Variants in NT5DC4 observed in about 807,000 individuals in gnomAD.
NT5DC4 encodes the protein 5'-nucleotidase domain-containing protein 4.
In NT5DC4, 44 loss-of-function variants were observed where a neutral mutation model predicts 26.6. That is an observed-to-expected ratio of 1.65 (90% CI 1.30 to 2.13). NT5DC4 has a LOEUF of 2.13. Among genes scored for constraint, NT5DC4 ranks in the 30% most tolerant of loss-of-function variants. The pLI, the probability that NT5DC4 is intolerant of heterozygous loss-of-function variation, is 0.00. For synonymous variants in NT5DC4, 157 were observed against 86.7 expected (o/e 1.81, Z -4.51); for missense variants, 399 against 228.1 (o/e 1.75, Z -4.83).
In NT5DC4 at chr2:112,723,266, C is replaced by T. The variant is rs1006939018; in HGVS notation, c.621+92C>T. On this transcript the variant is annotated intron_variant, in intron 7 of 16. Transcript: ENST00000688554. The stretch of plus-strand genomic sequence containing the variant: ...AGGCCTCCAGTCCCCATAGCGTTTC[C>T]ATCCTCTTCCTACTGAGGACTGAGG... The T allele has an allele frequency of 8.8e-5, 63 of 712,782 alleles. No individual in the cohort carries two copies. The Admixed American group carries it at 1.2e-3, about 14-fold the overall frequency. The allele number at this position is 712,782 out of a possible 1,614,324, so 44.2% of individuals were successfully genotyped here.
intron 16 of NT5DC4, chr2:112,737,947 G>C (rs1404625388): frequency 6.6e-6 from 1 of 151,500 alleles, no homozygotes; most frequent in African/African-American, 2.5e-5. Flanking sequence ...GTGTTGACTA[G>C]GTTTTTCTAC....
At chr2:112,725,007 G>A (rs1432285034) in intron 11 of NT5DC4, 101 bp downstream of exon 11, 2 of 665,606 alleles carry the variant, frequency 3.0e-6, no homozygotes, top group South Asian at 1.6e-5. Flanking sequence ...TGGCCTGTCT[G>A]TCCCTGGAGG....
rs1309521554 is a variant in NT5DC4 at position 112,722,204 on chromosome 2, C to G, written c.288C>G (p.Leu96=). 1 of 716,994 alleles carries G rather than the reference C, an allele frequency of 1.4e-6. No homozygotes were observed. The highest frequency in any genetic ancestry group is 2.3e-4 in the Middle Eastern group (1 of 4,370). 44.4% of individuals were successfully genotyped at this position (716,994 alleles called of 1,614,324 possible). ...GCAGGCGGCTGGTGTTCGATGAACT[C>G]TATGGGAACCTGCTGAAGGTGGACG... is the stretch of plus-strand genomic sequence containing the variant. ...FPTRRLVFDE[L]YGNLLKVDAH... The change falls in exon 4 of 17, where the codon CTC becomes CTG. Residue 96 remains leucine (L), a synonymous_variant. Coordinates refer to ENST00000688554, the MANE Select transcript of NT5DC4 (RefSeq NM_001393655.1).
intron 16 of NT5DC4, chr2:112,737,244 T>C (rs957614046): frequency 6.6e-6 from 1 of 152,136 alleles, no homozygotes; most frequent in Non-Finnish European, 1.5e-5. Flanking sequence ...TTTGGGTACA[T>C]ACTTACTCAG....
At chr2:112,732,457 T>C (rs1330385222) in intron 16 of NT5DC4, among the ~76,000 whole-genome samples, 1 of 151,598 alleles carries the variant, frequency 6.6e-6, no homozygotes, top group Non-Finnish European at 1.5e-5. Context: ...CTCACTGGCC[T>C]GTGTCTTTAC....
At chr2:112,740,009 C>T (rs1679784934), downstream of NT5DC4, among the ~76,000 whole-genome samples, 1 of 152,018 alleles carries the variant, frequency 6.6e-6, no homozygotes, top group Admixed American at 6.6e-5. Flanking sequence ...GGCTGGAGTG[C>T]AATGGTGCAA....
chr2:112,726,724 AAG>A lies in NT5DC4; in HGVS notation c.1260_1261del (p.Glu420AspfsTer6), dbSNP rs1171276965. 1 of 717,510 alleles carries A rather than the reference AAG, an allele frequency of 1.4e-6. No homozygotes were observed. The highest frequency in any genetic ancestry group is 2.6e-6 in the Non-Finnish European group (1 of 385,098). 44.4% of individuals were successfully genotyped at this position (717,510 alleles called of 1,614,324 possible). ...SCELQVINFT[K>X]REIQMPHESV... ...TGAGCTGCAAGTCATCAACTTCACC[AAG>A]AGAGAGATCCAGGTGGGAGCTGGGT... On this transcript the variant is annotated frameshift_variant, in exon 15 of 17. Coordinates refer to ENST00000688554, the MANE Select transcript of NT5DC4 (RefSeq NM_001393655.1). LOFTEE classifies it high-confidence loss of function.
chr2:112,733,076 AG>A (rs1357996530), intron 16 of NT5DC4, among the ~76,000 whole-genome samples: 1 of 152,122 alleles, frequency 6.6e-6, no homozygotes, highest in Non-Finnish European at 1.5e-5. Context: ...GGGAAAGGGC[AG>A]GACAAAGAAT....
intron 10 of NT5DC4, 188 bp from the exon 11 acceptor site, chr2:112,724,593 C>T: frequency 1.7e-6 from 1 of 601,796 alleles, no homozygotes. Context: ...CCACAAGGTC[C>T]TTTTGAGCAC....
intron 15 of NT5DC4, among the ~76,000 whole-genome samples, chr2:112,729,407 C>A (rs1678190616): frequency 6.6e-6 from 1 of 152,264 alleles, no homozygotes; most frequent in Middle Eastern, 3.2e-3. Flanking sequence ...CAGGCGTGAG[C>A]CACCGCGCCT....
In NT5DC4 at chr2:112,723,188, C is replaced by G. The variant is rs1374515427; in HGVS notation, c.621+14C>G. The G allele has an allele frequency of 2.8e-6, 2 of 717,170 alleles. No individual in the cohort carries two copies. The highest frequency in any genetic ancestry group is 2.7e-5 in the East Asian group (1 of 37,290). The allele number at this position is 717,170 out of a possible 1,614,324, so 44.4% of individuals were successfully genotyped here. ...ATCCACCAGTCGGTGAGTGAGTGGT[C>G]CAGAACCCCCGGACCCCTGACCTGT... On this transcript the variant is annotated intron_variant, in intron 7 of 16. Transcript: ENST00000688554.
rs1051794891 is a variant in NT5DC4 at position 112,723,501 on chromosome 2, C to A, written c.672+33C>A. On this transcript the variant is annotated intron_variant, in intron 8 of 16. Coordinates refer to ENST00000688554, the MANE Select transcript of NT5DC4 (RefSeq NM_001393655.1). ...GCCACAGACCCAGGGCCATGGCCAT[C>A]ACCCCCAAAGCAGCAGGGCTGCCCC... The A allele has an allele frequency of 9.8e-6, 7 of 716,202 alleles. No individual in the cohort carries two copies. The Admixed American group carries it at 1.0e-4, about 10-fold the overall frequency. The allele number at this position is 716,202 out of a possible 1,614,324, so 44.4% of individuals were successfully genotyped here. A position where few individuals can be genotyped will look rare whatever the true frequency, so the allele number is the denominator to read the frequency against.
At chr2:112,720,921 C>G (rs1558717470), upstream of NT5DC4, among the ~76,000 whole-genome samples, 1 of 152,236 alleles carries the variant, frequency 6.6e-6, no homozygotes, top group Non-Finnish European at 1.5e-5. Context: ...TGGCTGACTC[C>G]TCCCTCAAAG....
At chr2:112,733,454 G>C (rs1678715739) in intron 16 of NT5DC4, among the ~76,000 whole-genome samples, 1 of 152,150 alleles carries the variant, frequency 6.6e-6, no homozygotes, top group Non-Finnish European at 1.5e-5. Flanking sequence ...GGGGGACATG[G>C]GACCAAGTTC....
At chr2:112,741,604 G>A (rs189424238), downstream of NT5DC4, among the ~76,000 whole-genome samples, 200 of 152,304 alleles carry the variant, frequency 1.3e-3, no homozygotes, top group African/African-American at 4.5e-3. Context: ...ATGGATTCCT[G>A]TCTTCTCTTT....
At chr2:112,724,576 C>T in intron 10 of NT5DC4, 1 of 595,534 alleles carries the variant, frequency 1.7e-6, no homozygotes, top group South Asian at 2.0e-5. Flanking sequence ...ATGTTCAACA[C>T]CCACCTCCAC....
intron 16 of NT5DC4, chr2:112,737,847 TAATA>T (rs1186903274): frequency 6.6e-6 from 1 of 152,214 alleles, no homozygotes; most frequent in Non-Finnish European, 1.5e-5. Context: ...TGGTTTTCTA[TAATA>T]AATAAGATAA....
At chr2:112,737,433 T>C (rs1398921373) in intron 16 of NT5DC4, 1 of 152,232 alleles carries the variant, frequency 6.6e-6, no homozygotes, top group Non-Finnish European at 1.5e-5. Context: ...TGTGAGGTGA[T>C]AGCTCACAGT....
chr2:112,735,901 A>T (rs949248444), intron 16 of NT5DC4, among the ~76,000 whole-genome samples: 1 of 152,162 alleles, frequency 6.6e-6, no homozygotes, highest in African/African-American at 2.4e-5. Context: ...TATTGTTGGT[A>T]CCCAGGGTAA....
Sources: allele counts gnomAD v4.1 joint callset (sites outside exome capture counted in the v4.1 genomes callset), GRCh38; gene constraint gnomAD v4.1.1; transcripts MANE v1.5; gene names NCBI Gene and HGNC (gene_info 2026-07-23, HGNC 2026-07-21).